Variants in PDE4D observed in about 807,000 individuals in gnomAD.
PDE4D encodes the protein 3',5'-cyclic-AMP phosphodiesterase 4D.
PDE4D carries 24 observed loss-of-function variants against 87.4 expected under a neutral mutation model. The ratio of observed to expected loss-of-function variants is 0.27; its 90% CI spans 0.20 to 0.39. The LOEUF (loss-of-function observed/expected upper bound fraction) is 0.39, where lower values mean the gene tolerates loss of function less well. PDE4D is among the 10% of genes least tolerant of loss of function. The pLI, the probability that PDE4D is intolerant of heterozygous loss-of-function variation, is 1.00. For missense variants in PDE4D, 714 were observed against 1,041.0 expected, an observed-to-expected ratio of 0.69 and a Z score of 4.32; for synonymous variants, 384 against 383.2, an observed-to-expected ratio of 1.00 and a Z score of -0.02.
intron 1 of PDE4D, among the ~76,000 whole-genome samples, chr5:60,238,981 G>T (rs1185037926): frequency 6.6e-6 from 1 of 152,116 alleles, no homozygotes; most frequent in East Asian, 1.9e-4. Flanking sequence ...ACTCTCACAT[G>T]CTTAGCATTC....
At chr5:59,377,617 T>C (rs1784953907) in intron 1 of PDE4D, among the ~76,000 whole-genome samples, 1 of 152,004 alleles carries the variant, frequency 6.6e-6, no homozygotes, top group Admixed American at 6.6e-5. Flanking sequence ...ATAAGGAACT[T>C]AAACAAATTT....
upstream of PDE4D, chr5:60,490,112 T>A (rs947994952): frequency 6.6e-6 from 1 of 152,248 alleles, no homozygotes. Context: ...CCTGGCTCCC[T>A]GACCCTTACA....
intron 1 of PDE4D, among the ~76,000 whole-genome samples, chr5:59,881,979 A>C (rs569385973): frequency 7.9e-5 from 12 of 152,272 alleles, no homozygotes; most frequent in African/African-American, 2.9e-4. Flanking sequence ...AGACATAAAG[A>C]AGCACATAAT....
At chr5:59,340,901 T>C (rs1054684360) in intron 1 of PDE4D, among the ~76,000 whole-genome samples, 1 of 152,228 alleles carries the variant, frequency 6.6e-6, no homozygotes, top group African/African-American at 2.4e-5. Flanking sequence ...ATTGTGTGTA[T>C]GTACCATATT....
At chr5:59,593,470 T>G (rs1171814603) in intron 1 of PDE4D, among the ~76,000 whole-genome samples, 1 of 152,226 alleles carries the variant, frequency 6.6e-6, no homozygotes, top group African/African-American at 2.4e-5. Context: ...ATGACAGTTC[T>G]TCTATCACTC....
At chr5:60,050,665 G>C (rs1163673065) in intron 2 of PDE4D, among the ~76,000 whole-genome samples, 1 of 152,162 alleles carries the variant, frequency 6.6e-6, no homozygotes, top group Non-Finnish European at 1.5e-5. Flanking sequence ...ATAATGACAG[G>C]ATCAAATTCA....
chr5:60,145,320 C>T (rs1780894411), intron 2 of PDE4D, among the ~76,000 whole-genome samples: 2 of 152,198 alleles, frequency 1.3e-5, no homozygotes, highest in Admixed American at 6.5e-5. Flanking sequence ...TCTCCATCTC[C>T]AAGGACTGAC....
chr5:59,634,573 T>A (rs900135865), intron 1 of PDE4D, among the ~76,000 whole-genome samples: 2 of 152,118 alleles, frequency 1.3e-5, no homozygotes, highest in African/African-American at 4.8e-5. Context: ...GAACTCAGGA[T>A]TAAGAACTAA....
At chr5:60,114,287 A>C (rs1463716541) in intron 2 of PDE4D, among the ~76,000 whole-genome samples, 3 of 152,118 alleles carry the variant, frequency 2.0e-5, no homozygotes, top group African/African-American at 7.2e-5. Context: ...TGGTAGGGCA[A>C]TCATGTTTTA....
intron 2 of PDE4D, among the ~76,000 whole-genome samples, chr5:60,108,238 A>C (rs572808949): frequency 2.0e-3 from 300 of 151,894 alleles, no homozygotes; most frequent in African/African-American, 6.9e-3. Flanking sequence ...GAGCCAAATC[A>C]TGAGTGAACT....
chr5:59,787,343 C>T (rs898830655), intron 1 of PDE4D, among the ~76,000 whole-genome samples: 1 of 152,192 alleles, frequency 6.6e-6, no homozygotes, highest in Non-Finnish European at 1.5e-5. Context: ...ATTACCACAT[C>T]TTCCCATTCA....
chr5:59,069,639 G>C lies in PDE4D; in HGVS notation c.809-30668C>G, dbSNP rs190051242. The stretch of plus-strand genomic sequence containing the variant: ...TTGCAGAAAATCTCTCTTCTGTGAT[G>C]CTCTGAATGACTCACAGTTCCAGAT... On this transcript the variant is annotated intron_variant, in intron 5 of 14. Transcript: ENST00000340635. 2.9e-3 allele frequency among the ~76,000 whole-genome samples: 447 copies of C among 151,876 alleles called. 1 individual carries two copies. The highest frequency in any genetic ancestry group is 3.5e-3 in the Non-Finnish European group (237 of 67,986).
intron 1 of PDE4D, among the ~76,000 whole-genome samples, chr5:59,627,177 C>A (rs1010233036): frequency 6.6e-6 from 1 of 152,164 alleles, no homozygotes; most frequent in Non-Finnish European, 1.5e-5. Flanking sequence ...GTAATTGTGA[C>A]TTGACTCACT....
chr5:60,083,286 C>T (rs976091416), intron 2 of PDE4D, among the ~76,000 whole-genome samples: 16 of 152,146 alleles, frequency 1.1e-4, no homozygotes, highest in African/African-American at 3.9e-4. Context: ...TCACTTTATA[C>T]CCATGAATTA....
chr5:60,366,373 T>A (rs537578042), intron 1 of PDE4D, among the ~76,000 whole-genome samples: 1 of 152,294 alleles, frequency 6.6e-6, no homozygotes, highest in South Asian at 2.1e-4. Context: ...AGTCAGATCA[T>A]ACACCAAGTG....
At chr5:59,246,575 A>C (rs1399681469) in intron 1 of PDE4D, among the ~76,000 whole-genome samples, 1 of 152,162 alleles carries the variant, frequency 6.6e-6, no homozygotes, top group Non-Finnish European at 1.5e-5. Context: ...ACATATCACC[A>C]GATGGGGACT....
chr5:59,099,977 G>A (rs1421246075), intron 5 of PDE4D, among the ~76,000 whole-genome samples: 1 of 152,140 alleles, frequency 6.6e-6, no homozygotes, highest in African/African-American at 2.4e-5. Flanking sequence ...CAAGCTTCTT[G>A]AGGGCAGGGC....
At chr5:60,489,722 T>A (rs1749421349), upstream of PDE4D, 1 of 152,224 alleles carries the variant, frequency 6.6e-6, no homozygotes, top group African/African-American at 2.4e-5. Flanking sequence ...GTTGTTAGAA[T>A]TGTTACCCCC....
intron 1 of PDE4D, among the ~76,000 whole-genome samples, chr5:59,240,972 T>A (rs1757552451): frequency 6.6e-6 from 1 of 152,270 alleles, no homozygotes; most frequent in East Asian, 1.9e-4. Context: ...AAAATGGGAA[T>A]GAAAACAGTA....
Sources: gnomAD v4.1 joint callset for allele counts (sites outside exome capture counted in the v4.1 genomes callset) on GRCh38, gnomAD v4.1.1 for gene constraint, MANE v1.5 for transcripts, NCBI Gene and HGNC (gene_info 2026-07-23, HGNC 2026-07-21) for gene names.